The following THSD7B variants were observed in gnomAD, a reference collection of about 807,000 sequenced individuals.
The protein encoded by THSD7B is thrombospondin type-1 domain-containing protein 7B.
A neutral mutation model predicts 213.6 loss-of-function variants in THSD7B; 138 were observed. The observed-to-expected ratio is 0.65, with a 90% CI of 0.56 to 0.74. The LOEUF is 0.74. Ranked by LOEUF, THSD7B falls within the 30% of genes least tolerant of loss-of-function variation. The probability of loss-of-function intolerance (pLI) is 0.00; values close to 1 mark genes in which losing one functional copy is unlikely to be tolerated. For missense variants in THSD7B, 1,931 were observed against 1,991.5 expected (o/e 0.97, Z 0.58); for synonymous variants, 742 against 687.0 (o/e 1.08, Z -1.25).
intron 3 of THSD7B, among the ~76,000 whole-genome samples, chr2:137,080,961 A>C (rs991927193): frequency 1.3e-5 from 2 of 152,192 alleles, no homozygotes; most frequent in Non-Finnish European, 2.9e-5. Context: ...GGGAGATTCA[A>C]ATCTGTTTGA....
chr2:137,644,383 A>G (rs1682991547), intron 21 of THSD7B, among the ~76,000 whole-genome samples: 1 of 152,190 alleles, frequency 6.6e-6, no homozygotes, highest in South Asian at 2.1e-4. Flanking sequence ...AATTGATCTC[A>G]TTCCAAGATA....
intron 4 of THSD7B, among the ~76,000 whole-genome samples, chr2:137,099,472 G>C (rs1688106404): frequency 6.6e-6 from 1 of 152,146 alleles, no homozygotes; most frequent in Admixed American, 6.5e-5. Flanking sequence ...CCTGATTCTG[G>C]AACAGCTATG....
At chr2:137,295,466 A>G (rs1558746689) in intron 12 of THSD7B, among the ~76,000 whole-genome samples, 1 of 152,008 alleles carries the variant, frequency 6.6e-6, no homozygotes, top group Non-Finnish European at 1.5e-5. Flanking sequence ...CCCTACTGAA[A>G]TTAAAAAATC....
chr2:137,468,246 G>A (rs562540476), intron 15 of THSD7B, among the ~76,000 whole-genome samples: 1 of 152,154 alleles, frequency 6.6e-6, no homozygotes, highest in African/African-American at 2.4e-5. Context: ...TGTCATTTAA[G>A]GAGATTTATA....
intron 1 of THSD7B, among the ~76,000 whole-genome samples, chr2:136,878,148 C>A (rs990015860): frequency 1.3e-5 from 2 of 152,128 alleles, no homozygotes; most frequent in Non-Finnish European, 2.9e-5. Flanking sequence ...TCAATTCCCA[C>A]CTATGAATGA....
Position 137,655,514 on chromosome 2 carries a change from G to T in THSD7B, c.3959G>T (p.Gly1320Val), listed in dbSNP as rs778887956. Residue 1320 changes from glycine (G) to valine (V), a missense_variant, in exon 22 of 28, where the codon GGG (glycine) becomes GTG (valine). By Grantham distance (109) the Gly-to-Val change is moderately radical (BLOSUM62 -3). Transcript: ENST00000409968. The part of the protein sequence containing the change: ...SACKLEGGDC[G>V]EGVQIRSLSC... Reference sequence around the variant, plus strand: ...TTCCTCTCATAGGGTGGAGACTGTGGGGAAGGAGTTCAGATCCGCAGCCTT... The same window carrying T: ...TTCCTCTCATAGGGTGGAGACTGTGTGGAAGGAGTTCAGATCCGCAGCCTT... 1 of 1,611,704 alleles carries T rather than the reference G, an allele frequency of 6.2e-7. No individual in the cohort carries two copies. Among genetic ancestry groups the T allele is most frequent in the Non-Finnish European group, 8.5e-7 (1 of 1,178,934 alleles).
intron 2 of THSD7B, among the ~76,000 whole-genome samples, chr2:137,042,841 T>G (rs4306765): frequency 6.6e-6 from 1 of 152,218 alleles, no homozygotes; most frequent in Non-Finnish European, 1.5e-5. Context: ...AATTGTAAAG[T>G]CCCTCCGTAA....
At chr2:137,257,807 A>G (rs1389593851) in intron 10 of THSD7B, among the ~76,000 whole-genome samples, 1 of 152,200 alleles carries the variant, frequency 6.6e-6, no homozygotes, top group Admixed American at 6.5e-5. Flanking sequence ...TGGAGGAAAT[A>G]GGACCAGGGA....
chr2:137,232,378 G>T (rs1387142553), intron 8 of THSD7B, among the ~76,000 whole-genome samples: 1 of 152,048 alleles, frequency 6.6e-6, no homozygotes. Context: ...GATATTTCTG[G>T]ATTTCTCAAA....
chr2:137,322,102 A>T (rs554805880), intron 12 of THSD7B, among the ~76,000 whole-genome samples: 3 of 152,310 alleles, frequency 2.0e-5, no homozygotes, highest in Admixed American at 1.3e-4. Context: ...TGTTAATACC[A>T]CTGTGGGAAT....
At chr2:137,049,298 C>T (rs1245210146) in intron 2 of THSD7B, among the ~76,000 whole-genome samples, 2 of 150,336 alleles carry the variant, frequency 1.3e-5, no homozygotes, top group African/African-American at 2.4e-5. Context: ...TATGTTTTAC[C>T]CAATGGCTTT....
intron 12 of THSD7B, among the ~76,000 whole-genome samples, chr2:137,289,460 T>C (rs1156751414): frequency 1.3e-5 from 2 of 152,032 alleles, no homozygotes; most frequent in Admixed American, 6.6e-5. Flanking sequence ...TTATGCTATT[T>C]AAAAACGTGG....
chr2:137,412,897 T>C (rs926682551), intron 14 of THSD7B, among the ~76,000 whole-genome samples: 10 of 150,880 alleles, frequency 6.6e-5, no homozygotes, highest in South Asian at 2.1e-4. Flanking sequence ...TTCTTTCTTT[T>C]TTTTTTTTTA....
intron 12 of THSD7B, among the ~76,000 whole-genome samples, chr2:137,342,712 TG>T (rs1684788440): frequency 3.8e-4 from 1 of 2,648 alleles, no homozygotes; most frequent in Non-Finnish European, 0.014. Flanking sequence ...GAGAAGATTT[TG>T]TTTTGTTTTG....
intron 16 of THSD7B, among the ~76,000 whole-genome samples, chr2:137,567,093 C>A (rs7563139): frequency 0.27 from 40,549 of 151,830 alleles, 5,499 homozygotes; most frequent in Middle Eastern, 0.36. Flanking sequence ...TAACTGCAAC[C>A]TGAAGCTATG....
rs1011875398 is a variant in THSD7B, at chr2:137,382,796, C to T, written c.2501-22817C>T. 6.6e-5 allele frequency among the ~76,000 whole-genome samples: 10 copies of T among 152,220 alleles called. No homozygotes were observed. In the East Asian group the frequency reaches 1.7e-3, roughly 27 times the overall value. ...CTGTAGTCCTAATGCACAATAAGGC[C>T]ATGGGGTCTGAGGCACCCCTAGACC... On this transcript the variant is annotated intron_variant, in intron 12 of 27. Coordinates refer to ENST00000409968, the MANE Select transcript of THSD7B (RefSeq NM_001316349.2).
At chr2:136,938,103 T>C (rs1374776626) in intron 2 of THSD7B, among the ~76,000 whole-genome samples, 2 of 152,198 alleles carry the variant, frequency 1.3e-5, no homozygotes, top group African/African-American at 2.4e-5. Flanking sequence ...TGACTTGGGC[T>C]GTGCTTTGGA....
intron 12 of THSD7B, among the ~76,000 whole-genome samples, chr2:137,343,780 A>G (rs1305022763): frequency 6.6e-6 from 1 of 151,816 alleles, no homozygotes; most frequent in Non-Finnish European, 1.5e-5. Flanking sequence ...AGAACATGCT[A>G]CAGTGTACAA....
intron 15 of THSD7B, among the ~76,000 whole-genome samples, chr2:137,471,245 C>T (rs1688089647): frequency 6.6e-6 from 1 of 152,068 alleles, no homozygotes; most frequent in Non-Finnish European, 1.5e-5. Context: ...CTAAGACAAA[C>T]ATCAAAAGCC....
Sources: allele counts gnomAD v4.1 joint callset (sites outside exome capture counted in the v4.1 genomes callset), GRCh38; gene constraint gnomAD v4.1.1; transcripts MANE v1.5; gene names NCBI Gene and HGNC (gene_info 2026-07-23, HGNC 2026-07-21).